Variants in DLGAP2 observed in about 807,000 individuals in gnomAD.
DLGAP2 encodes the protein disks large-associated protein 2.
A neutral mutation model predicts 100.3 loss-of-function variants in DLGAP2; 26 were observed. The ratio of observed to expected loss-of-function variants is 0.26; its 90% confidence interval spans 0.19 to 0.36. The LOEUF (loss-of-function observed/expected upper bound fraction) is 0.36, where lower values mean the gene tolerates loss of function less well. Ranked by LOEUF, DLGAP2 falls within the 10% of genes least tolerant of loss-of-function variation. The probability of loss-of-function intolerance (pLI) is 1.00; values close to 1 mark genes in which losing one functional copy is unlikely to be tolerated. For missense variants in DLGAP2, 1,858 were observed against 1,453.2 expected, an observed-to-expected ratio of 1.28 and a Z score of -4.53; for synonymous variants, 886 against 630.1, an observed-to-expected ratio of 1.41 and a Z score of -6.08.
chr8:1,631,636 T>A (rs555909719), intron 7 of DLGAP2, among the ~76,000 whole-genome samples: 28 of 152,190 alleles, frequency 1.8e-4, no homozygotes, highest in Non-Finnish European at 3.5e-4. Context: ...CCCGCCGGCA[T>A]TGTGCCAACT....
chr8:1,422,629 T>C (rs1451496066), intron 3 of DLGAP2, among the ~76,000 whole-genome samples: 1 of 149,962 alleles, frequency 6.7e-6, no homozygotes, highest in African/African-American at 2.5e-5. Context: ...CGACTCACGG[T>C]TATCAGCAAA....
rs1014741429 is a variant in DLGAP2, at chr8:1,701,681, C to A, written c.*275C>A. On this transcript the variant is annotated 3_prime_UTR_variant, in exon 15 of 15. Coordinates refer to ENST00000637795, the MANE Select transcript of DLGAP2 (RefSeq NM_001346810.2). ...GGACAGGTGTGGCGAGACCTGATTT[C>A]TCCTGCGTGTTCTCAGAGGACGGCG... 6.4e-6 allele frequency: 3 copies of A among 465,200 alleles called. No individual in the cohort carries two copies. Among genetic ancestry groups the A allele is most frequent in the Non-Finnish European group, 1.1e-5 (3 of 266,334 alleles). The allele number at this position is 465,200 out of a possible 1,614,324, so 28.8% of individuals were successfully genotyped here.
intron 1 of DLGAP2, among the ~76,000 whole-genome samples, chr8:837,944 A>G (rs1409758700): frequency 7.0e-6 from 1 of 142,886 alleles, no homozygotes; most frequent in Non-Finnish European, 1.5e-5. Flanking sequence ...CATGTTGGCC[A>G]GGCTGCTCCT....
intron 2 of DLGAP2, among the ~76,000 whole-genome samples, chr8:1,230,880 G>A (rs1798521539): frequency 6.6e-6 from 1 of 152,092 alleles, no homozygotes; most frequent in Non-Finnish European, 1.5e-5. Flanking sequence ...AAATTTAAAT[G>A]TAAGACCTCA....
At chr8:783,929 C>T (rs182627301) in intron 1 of DLGAP2, among the ~76,000 whole-genome samples, 93 of 152,268 alleles carry the variant, frequency 6.1e-4, no homozygotes, top group Non-Finnish European at 1.0e-3. Flanking sequence ...GCGTTATCGG[C>T]TAATTCTTAG....
At chr8:926,835 G>C (rs545475334) in intron 2 of DLGAP2, among the ~76,000 whole-genome samples, 1 of 152,264 alleles carries the variant, frequency 6.6e-6, no homozygotes, top group Non-Finnish European at 1.5e-5. Flanking sequence ...CGGCAAGGAC[G>C]GCTGCAGTTG....
At chr8:1,660,199 A>G (rs960793507) in intron 8 of DLGAP2, among the ~76,000 whole-genome samples, 4 of 152,156 alleles carry the variant, frequency 2.6e-5, no homozygotes, top group African/African-American at 7.2e-5. Flanking sequence ...TAGGATTTCT[A>G]CTGAGAGATC....
At chr8:1,168,139 T>C (rs1324619937) in intron 2 of DLGAP2, among the ~76,000 whole-genome samples, 4 of 149,668 alleles carry the variant, frequency 2.7e-5, no homozygotes, top group African/African-American at 9.8e-5. Flanking sequence ...GTGTTTGGTT[T>C]TTTGTTCTTG....
intron 3 of DLGAP2, among the ~76,000 whole-genome samples, chr8:1,344,177 C>T (rs1372086404): frequency 6.6e-6 from 1 of 151,416 alleles, no homozygotes; most frequent in Non-Finnish European, 1.5e-5. Flanking sequence ...ACTCGGGGCG[C>T]TGTCGTGGGT....
chr8:1,115,834 T>A (rs1392700930), intron 2 of DLGAP2, among the ~76,000 whole-genome samples: 1 of 152,212 alleles, frequency 6.6e-6, no homozygotes, highest in Non-Finnish European at 1.5e-5. Flanking sequence ...TTTGGGCTCT[T>A]CTTCTAGTCA....
intron 2 of DLGAP2, among the ~76,000 whole-genome samples, chr8:1,102,835 G>T (rs1426900537): frequency 6.6e-6 from 1 of 152,092 alleles, no homozygotes; most frequent in Non-Finnish European, 1.5e-5. Flanking sequence ...AATGTGCGTG[G>T]GGCCTTGTGA....
intron 2 of DLGAP2, among the ~76,000 whole-genome samples, chr8:1,182,759 T>G (rs559349493): frequency 9.9e-5 from 15 of 152,256 alleles, no homozygotes; most frequent in Admixed American, 7.8e-4. Flanking sequence ...GAGCTCACAC[T>G]ATCGAGTCCA....
intron 1 of DLGAP2, among the ~76,000 whole-genome samples, chr8:901,814 G>C (rs190815731): frequency 6.6e-6 from 1 of 152,212 alleles, no homozygotes; most frequent in African/African-American, 2.4e-5. Flanking sequence ...CAAGCATCTC[G>C]TACGTTGCCA....
chr8:1,248,868 T>G (rs1189275746), intron 2 of DLGAP2: 2 of 152,284 alleles, frequency 1.3e-5, no homozygotes, highest in African/African-American at 2.4e-5. Flanking sequence ...ACCAGGTATT[T>G]GGCTCTATGC....
At position 938,804 on chromosome 8, in the gene DLGAP2, AC is replaced by A. The variant is rs368429447; in HGVS notation, c.73+30841del. Among the ~76,000 whole-genome samples the A allele has an allele frequency of 2.0e-4, 31 of 152,134 alleles. 1 individual carries two copies. The highest frequency in any genetic ancestry group is 7.5e-4 in the African/African-American group (31 of 41,432). On this transcript the variant is annotated intron_variant, in intron 2 of 14. Transcript: ENST00000637795. ...ACAGGGGCCACGGGAGCCAGAGGGA[AC>A]CCAGGTCTCGGCTCTCATTGCCTCA...
rs1177305988 is a variant in DLGAP2 at position 1,360,199 on chromosome 8, A to AGGGGCGGGGCTTTTCC, written c.106+101329_106+101344dup. Reference sequence around the variant, plus strand: ...CTCCTGCTGCTTCCCGGGTGTGCTCAGGGGCGGGGCTTTTCCGGGGCGGGG... The same window carrying AGGGGCGGGGCTTTTCC: ...CTCCTGCTGCTTCCCGGGTGTGCTCAGGGGCGGGGCTTTTCCGGGGCGGGGCTTTTCCGGGGCGGGG... On this transcript the variant is annotated intron_variant, in intron 3 of 14. Coordinates refer to ENST00000637795, the MANE Select transcript of DLGAP2 (RefSeq NM_001346810.2). Among the ~76,000 whole-genome samples, 420 of 101,712 alleles carry AGGGGCGGGGCTTTTCC rather than the reference A, an allele frequency of 4.1e-3. 7 individuals carry two copies. Among genetic ancestry groups the AGGGGCGGGGCTTTTCC allele is most frequent in the African/African-American group, 0.011 (287 of 26,420 alleles). 66.7% of individuals were successfully genotyped at this position (101,712 alleles called of 152,430 possible). A position where few individuals can be genotyped will look rare whatever the true frequency, so the allele number is the denominator to read the frequency against.
intron 2 of DLGAP2, among the ~76,000 whole-genome samples, chr8:932,739 G>A (rs1169733883): frequency 6.6e-6 from 1 of 152,078 alleles, no homozygotes; most frequent in South Asian, 2.1e-4. Context: ...TGGGAAATCA[G>A]GGTAAAGAGT....
chr8:1,101,426 G>A (rs1804574766), intron 2 of DLGAP2, among the ~76,000 whole-genome samples: 1 of 152,194 alleles, frequency 6.6e-6, no homozygotes, highest in African/African-American at 2.4e-5. Context: ...ACAGTGAACA[G>A]GCCGGCCACA....
intron 4 of DLGAP2, among the ~76,000 whole-genome samples, chr8:1,502,785 G>A (rs1799767622): frequency 6.6e-6 from 1 of 152,206 alleles, no homozygotes; most frequent in East Asian, 1.9e-4. Flanking sequence ...CCTTTGCACT[G>A]TCTCTGGACA....
Sources: gnomAD v4.1 joint callset for allele counts (sites outside exome capture counted in the v4.1 genomes callset) on GRCh38, gnomAD v4.1.1 for gene constraint, MANE v1.5 for transcripts, NCBI Gene and HGNC (gene_info 2026-07-23, HGNC 2026-07-21) for gene names.